The following CD6 variants were observed in gnomAD, a reference collection of about 807,000 sequenced individuals.
CD6 encodes CD6 molecule, also known as T-cell differentiation antigen CD6.
A neutral mutation model predicts 75.3 loss-of-function variants in CD6; 53 were observed. The observed-to-expected ratio is 0.70, with a 90% CI of 0.56 to 0.88. CD6 has a LOEUF of 0.88. CD6 is among the 40% of genes least tolerant of loss of function. The pLI is 0.00. For synonymous variants in CD6, 359 were observed against 381.5 expected (o/e 0.94, Z 0.69); for missense variants, 770 against 897.1 (o/e 0.86, Z 1.81).
chr11:61,018,129 C>T (rs910803372), intron 11 of CD6, 116 bp downstream of exon 11: 1 of 1,381,286 alleles, frequency 7.2e-7, no homozygotes, highest in Non-Finnish European at 1.0e-6. Context: ...CGCAGCCATT[C>T]GCTGTGTGCC....
chr11:60,994,407 G>C lies in CD6; in HGVS notation c.50-12167G>C, dbSNP rs181879566. ...AGTAAGCCGAGATCGTGCCACTGCA[G>C]TCCAGCCTGGGCAACAGAGTGAGAC... On this transcript the variant is annotated intron_variant, in intron 1 of 12. Transcript: ENST00000313421. Among the ~76,000 whole-genome samples, 489 of 134,374 alleles carry C rather than the reference G, an allele frequency of 3.6e-3. 1 individual carries two copies. Among genetic ancestry groups the C allele is most frequent in the Non-Finnish European group, 6.2e-3 (403 of 64,852 alleles). The allele number at this position is 134,374 out of a possible 152,430, so 88.2% of individuals were successfully genotyped here. A position where few individuals can be genotyped will look rare whatever the true frequency, so the allele number is the denominator to read the frequency against.
chr11:61,019,072 C>T (rs545269129), intron 12 of CD6, 182 bp from the exon 13 acceptor site: 124 of 561,466 alleles, frequency 2.2e-4, no homozygotes, highest in Admixed American at 9.5e-4. Flanking sequence ...ACCAGACAGA[C>T]GAGGCTATTC....
intron 1 of CD6, 43 bp from the exon 2 acceptor site, chr11:61,006,531 C>T (rs1475136488): frequency 1.3e-6 from 2 of 1,521,458 alleles, no homozygotes; most frequent in African/African-American, 2.7e-5. Flanking sequence ...GGTCTCCAGG[C>T]CTGAGCTCAC....
intron 1 of CD6, among the ~76,000 whole-genome samples, chr11:60,981,630 G>A (rs1857561660): frequency 6.6e-6 from 1 of 152,224 alleles, no homozygotes; most frequent in Non-Finnish European, 1.5e-5. Flanking sequence ...AGGCTCCTTA[G>A]GGTGTTAGGA....
intron 1 of CD6, among the ~76,000 whole-genome samples, chr11:61,000,766 A>G (rs1426970036): frequency 6.6e-6 from 1 of 152,150 alleles, no homozygotes; most frequent in African/African-American, 2.4e-5. Flanking sequence ...CGTTTTCTCA[A>G]ATTCCAGGCA....
chr11:61,000,926 C>A (rs1858554809), intron 1 of CD6, among the ~76,000 whole-genome samples: 1 of 152,170 alleles, frequency 6.6e-6, no homozygotes, highest in East Asian at 1.9e-4. Flanking sequence ...CGCCTCCTTC[C>A]TGGGCTGGGG....
intron 12 of CD6, 47 bp downstream of exon 12, chr11:61,018,440 T>TG: frequency 2.9e-6 from 4 of 1,396,774 alleles, no homozygotes; most frequent in Non-Finnish European, 4.0e-6. Flanking sequence ...AGAGAGGGAC[T>TG]GGGGAGTAAA....
intron 1 of CD6, among the ~76,000 whole-genome samples, chr11:61,003,185 G>A (rs1296466718): frequency 2.0e-5 from 3 of 152,042 alleles, no homozygotes; most frequent in Non-Finnish European, 2.9e-5. Context: ...GGCTGGTCTC[G>A]GACTCCTGAC....
intron 1 of CD6, among the ~76,000 whole-genome samples, chr11:60,978,297 C>T (rs1295412274): frequency 2.6e-5 from 4 of 152,180 alleles, no homozygotes; most frequent in Non-Finnish European, 4.4e-5. Context: ...ACGTCCTACA[C>T]ATGAGACCCC....
chr11:60,990,559 A>G (rs1858019066), intron 1 of CD6, among the ~76,000 whole-genome samples: 1 of 152,074 alleles, frequency 6.6e-6, no homozygotes, highest in African/African-American at 2.4e-5. Flanking sequence ...CGTCCTCACC[A>G]CCCAGACTTA....
In CD6 at chr11:61,009,737, A is replaced by G. The variant is rs779299811; in HGVS notation, c.947A>G (p.Lys316Arg). The G allele has an allele frequency of 6.2e-6, 10 of 1,613,944 alleles. No homozygotes were observed. In the Admixed American group the frequency reaches 1.7e-4, roughly 27 times the overall value. The stretch of plus-strand genomic sequence containing the variant: ...TGTGGAACTGCGGTTGAGAGGCCCA[A>G]GGGGCTGCCCCACTCCTTGTCCGGC... ...LGCGTAVERP[K>R]GLPHSLSGRM... is the part of the protein sequence containing the mutation. Residue 316 changes from lysine (K) to arginine (R), a missense_variant, in exon 5 of 13, where the codon AAG becomes AGG. By Grantham distance (26) the Lys-to-Arg change is conservative. Coordinates refer to ENST00000313421, the MANE Select transcript of CD6 (RefSeq NM_006725.5).
intron 3 of CD6, chr11:61,008,298 G>A: frequency 1.9e-6 from 1 of 535,140 alleles, no homozygotes; most frequent in Non-Finnish European, 3.3e-6. Flanking sequence ...GTGGCTCCCA[G>A]GCTCCCAAAC....
At chr11:60,980,201 G>A (rs1216897717) in intron 1 of CD6, among the ~76,000 whole-genome samples, 2 of 152,142 alleles carry the variant, frequency 1.3e-5, no homozygotes, top group African/African-American at 2.4e-5. Context: ...TGAGTCCATA[G>A]TTTGAAAATA....
intron 3 of CD6, 195 bp from the exon 4 acceptor site, chr11:61,008,339 T>TG: frequency 3.4e-6 from 2 of 585,788 alleles, no homozygotes; most frequent in Non-Finnish European, 5.9e-6. Context: ...ACCAGGTCTC[T>TG]GGTCCCTCCC....
intron 3 of CD6, 189 bp from the exon 4 acceptor site, chr11:61,008,345 C>T (rs1858977011): frequency 3.3e-6 from 2 of 601,650 alleles, no homozygotes; most frequent in Non-Finnish European, 5.7e-6. Flanking sequence ...TCTCTGGTCC[C>T]TCCCACCAGC....
intron 1 of CD6, among the ~76,000 whole-genome samples, chr11:61,000,994 C>G (rs2135124472): frequency 6.6e-6 from 1 of 152,286 alleles, no homozygotes; most frequent in East Asian, 1.9e-4. Context: ...CCCTCCATCC[C>G]TTCCCTGTCT....
In CD6 at chr11:61,007,950, C is replaced by G; in HGVS notation, c.469+40C>G. 1 of 1,228,872 alleles carries G rather than the reference C, an allele frequency of 8.1e-7. No individual in the cohort carries two copies. Among genetic ancestry groups the G allele is most frequent in the South Asian group, 2.5e-5 (1 of 39,958 alleles). The allele number at this position is 1,228,872 out of a possible 1,614,324, so 76.1% of individuals were successfully genotyped here. A position where few individuals can be genotyped will look rare whatever the true frequency, so the allele number is the denominator to read the frequency against. Reference sequence around the variant, plus strand: ...CCTACACGGGCCCCCACCTGCCCCACTCCCCAGGCCTTCAGCCACTGCCCC... The same window carrying G: ...CCTACACGGGCCCCCACCTGCCCCAGTCCCCAGGCCTTCAGCCACTGCCCC... On this transcript the variant is annotated intron_variant, in intron 3 of 12. Transcript: ENST00000313421. The surrounding 1 kb of genome is among the most constrained non-coding windows in gnomAD (Gnocchi z 4.2).
intron 1 of CD6, among the ~76,000 whole-genome samples, chr11:60,990,806 A>AGGCTGAGGCGGGCTGAT (rs1565147498): frequency 1.0e-5 from 1 of 100,142 alleles, no homozygotes. Context: ...ACCCTACTGG[A>AGGCTGAGGCGGGCTGAT]CATATTGTTC....
chr11:60,972,900 C>T (rs1018806351), intron 1 of CD6, among the ~76,000 whole-genome samples: 4 of 152,168 alleles, frequency 2.6e-5, no homozygotes, highest in South Asian at 2.1e-4. Flanking sequence ...GAGCCTGTGG[C>T]CTCATACTGG....
Sources: allele counts gnomAD v4.1 joint callset (sites outside exome capture counted in the v4.1 genomes callset), GRCh38; gene constraint gnomAD v4.1.1; non-coding constraint Gnocchi (gnomAD v3.1); transcripts MANE v1.5; gene names NCBI Gene and HGNC (gene_info 2026-07-23, HGNC 2026-07-21).